Variants in RBFA observed in about 807,000 individuals in gnomAD.
The protein encoded by RBFA is ribosome binding factor A, also known as putative ribosome-binding factor A, mitochondrial.
RBFA carries 16 observed loss-of-function variants against 27.9 expected under a neutral mutation model. That is an observed-to-expected ratio of 0.57 (90% confidence interval 0.39 to 0.87). RBFA has a LOEUF of 0.87. RBFA is among the 40% of genes least tolerant of loss of function. The probability of loss-of-function intolerance (pLI) is 0.00; values close to 1 mark genes in which losing one functional copy is unlikely to be tolerated. For synonymous variants in RBFA, 181 were observed against 181.0 expected (o/e 1.00, Z 0.00); for missense variants, 456 against 432.1 (o/e 1.06, Z -0.49).
At position 80,048,129 on chromosome 18, in the gene RBFA, T is replaced by C. The variant is rs1458321559; in HGVS notation, c.*1974T>C. 6.6e-6 allele frequency: 1 copy of C among 152,208 alleles called. No individual in the cohort carries two copies. Among genetic ancestry groups the C allele is most frequent in the Admixed American group, 6.5e-5 (1 of 15,288 alleles). The allele number at this position is 152,208 out of a possible 1,614,324, so 9.4% of individuals were successfully genotyped here. The stretch of plus-strand genomic sequence containing the variant: ...ATTTCCCTAGCAAGATAACTTCAGG[T>C]TACAAGGCTCTGGTACTTGACCATG... On this transcript the variant is annotated 3_prime_UTR_variant, in exon 7 of 7. Coordinates refer to ENST00000306735, the MANE Select transcript of RBFA (RefSeq NM_024805.3).
rs1338296347 is a variant in RBFA at position 80,047,530 on chromosome 18, A to G, written c.*1375A>G. ...GTATAAGTCATCAAATGGCAGAAGC[A>G]AGATTTTTCTTTTGAGATCTAGGAA... On this transcript the variant is annotated 3_prime_UTR_variant, in exon 7 of 7. Transcript: ENST00000306735. 1 of 152,250 alleles carries G rather than the reference A, an allele frequency of 6.6e-6. No individual in the cohort carries two copies. The highest frequency in any genetic ancestry group is 1.9e-4 in the East Asian group (1 of 5,202). 9.4% of individuals were successfully genotyped at this position (152,250 alleles called of 1,614,324 possible). A position where few individuals can be genotyped will look rare whatever the true frequency, so the allele number is the denominator to read the frequency against.
Position 80,046,144 on chromosome 18 carries a change from A to G in RBFA, c.1021A>G (p.Ser341Gly). 1.2e-6 allele frequency: 2 copies of G among 1,613,872 alleles called. No individual in the cohort carries two copies. The highest frequency in any genetic ancestry group is 1.7e-6 in the Non-Finnish European group (2 of 1,179,878). The change falls in exon 7 of 7, where the codon AGC (serine) becomes GGC (glycine). Residue 341 changes from serine to glycine, a missense_variant. By Grantham distance (56) the Ser-to-Gly change is moderately conservative. Coordinates refer to ENST00000306735, the MANE Select transcript of RBFA (RefSeq NM_024805.3). ...RTEDGHSCGA[S>G]RE ...AGAGGATGGCCACAGCTGCGGAGCA[A>G]GCAGGGAGTAGATGGAGAGGCTCTG...
chr18:80,044,573 A>G (rs2052037890), intron 6 of RBFA, among the ~76,000 whole-genome samples: 1 of 152,178 alleles, frequency 6.6e-6, no homozygotes, highest in African/African-American at 2.4e-5. Context: ...TTGAGTGCCC[A>G]CTGTGTGCCA....
At chr18:80,045,022 G>T (rs924857404) in intron 6 of RBFA, among the ~76,000 whole-genome samples, 1 of 152,220 alleles carries the variant, frequency 6.6e-6, no homozygotes, top group African/African-American at 2.4e-5. Flanking sequence ...GCAGGGCAGG[G>T]AGCTGAGCCC....
intron 3 of RBFA, 35 bp from the exon 4 acceptor site, chr18:80,038,470 G>T: frequency 7.0e-7 from 1 of 1,437,006 alleles, no homozygotes; most frequent in South Asian, 1.2e-5. Context: ...ACCCATGTAA[G>T]CTAAAAAGTG....
In RBFA at chr18:80,034,504, T is replaced by A. The variant is rs961991466; in HGVS notation, c.9T>A (p.Ala3=). MW[A]AAGGLWRSRA... is the part of the protein sequence containing the mutation. Reference sequence around the variant, plus strand: ...GGTCCCGGCGCCGCGCCATGTGGGCTGCGGCGGGCGGGCTGTGGCGCTCCC... The same window carrying A: ...GGTCCCGGCGCCGCGCCATGTGGGCAGCGGCGGGCGGGCTGTGGCGCTCCC... Residue 3 remains alanine, a synonymous_variant, in exon 1 of 7, where the codon GCT becomes GCA. Transcript: ENST00000306735. 1.3e-6 allele frequency: 2 copies of A among 1,569,578 alleles called. No individual in the cohort carries two copies. The highest frequency in any genetic ancestry group is 2.8e-5 in the African/African-American group (2 of 70,738).
In RBFA at chr18:80,049,705, C is replaced by T. The variant is rs1022318475; in HGVS notation, c.*3550C>T. On this transcript the variant is annotated 3_prime_UTR_variant, in exon 7 of 7. Transcript: ENST00000306735. ...CACTTCAGCCTTCTGGTTCGCTGTT[C>T]CTTGGTAATGCAGATGGCCCAGTAA... Among the ~76,000 whole-genome samples the T allele has an allele frequency of 2.0e-5, 3 of 152,224 alleles. No homozygotes were observed. The highest frequency in any genetic ancestry group is 2.0e-4 in the Admixed American group (3 of 15,284).
In RBFA at chr18:80,046,271, A is replaced by C. The variant is rs543806209; in HGVS notation, c.*116A>C. ...AACCATCTGCTCTTCTGCTACTTCA[A>C]CATTTTCTAGCTTTTCCGTGTATCT... is the stretch of plus-strand genomic sequence containing the variant. On this transcript the variant is annotated 3_prime_UTR_variant, in exon 7 of 7. Transcript: ENST00000306735. 44 of 1,200,024 alleles carry C rather than the reference A, an allele frequency of 3.7e-5. No individual in the cohort carries two copies. The highest frequency in any genetic ancestry group is 1.1e-4 in the South Asian group (7 of 62,406). 74.3% of individuals were successfully genotyped at this position (1,200,024 alleles called of 1,614,324 possible). A position where few individuals can be genotyped will look rare whatever the true frequency, so the allele number is the denominator to read the frequency against.
At chr18:80,037,530 G>A in intron 3 of RBFA, 24 bp downstream of exon 3, 3 of 1,586,490 alleles carry the variant, frequency 1.9e-6, no homozygotes, top group East Asian at 2.3e-5. Context: ...CCAAAGAGAA[G>A]AAATGGGTTG....
At position 80,045,909 on chromosome 18, in the gene RBFA, G is replaced by A. The variant is rs773688889; in HGVS notation, c.786G>A (p.Leu262=). ...KRRKDKGLGG[L]VWQGQVAELT... ...GGAAAGATAAAGGGCTCGGGGGCCT[G>A]GTGTGGCAGGGGCAGGTGGCTGAGC... The change falls in exon 7 of 7, where the codon CTG becomes CTA. Residue 262 remains leucine (L), a synonymous_variant. Coordinates refer to ENST00000306735, the MANE Select transcript of RBFA (RefSeq NM_024805.3). 6.2e-7 allele frequency: 1 copy of A among 1,613,580 alleles called. No individual in the cohort carries two copies. The highest frequency in any genetic ancestry group is 8.5e-7 in the Non-Finnish European group (1 of 1,179,712).
intron 5 of RBFA, among the ~76,000 whole-genome samples, chr18:80,042,537 G>A (rs535255527): frequency 6.6e-6 from 1 of 152,278 alleles, no homozygotes; most frequent in East Asian, 1.9e-4. Flanking sequence ...TTGGGAGGCC[G>A]AGGCAGGTGG....
chr18:80,048,604 A>G lies in RBFA; in HGVS notation c.*2449A>G, dbSNP rs2052072572. 6.6e-6 allele frequency among the ~76,000 whole-genome samples: 1 copy of G among 152,212 alleles called. No individual in the cohort carries two copies. The highest frequency in any genetic ancestry group is 1.5e-5 in the Non-Finnish European group (1 of 68,034). On this transcript the variant is annotated 3_prime_UTR_variant, in exon 7 of 7. Transcript: ENST00000306735. The stretch of plus-strand genomic sequence containing the variant: ...GGCAGAGGGAATGGAAGGTAGAGTT[A>G]GGCCCAGAGAGCCCCAGGCTGCTGC...
Position 80,037,393 on chromosome 18 carries a change from G to A in RBFA, c.265G>A (p.Asp89Asn). The A allele has an allele frequency of 1.9e-6, 3 of 1,614,122 alleles. No individual in the cohort carries two copies. The highest frequency in any genetic ancestry group is 2.5e-6 in the Non-Finnish European group (3 of 1,180,026). The change falls in exon 3 of 7, where the codon GAC (aspartate) becomes AAC (asparagine). Residue 89 changes from aspartate (D) to asparagine (N), a missense_variant. Transcript: ENST00000306735. ...RSTSKKTRKE[D>N]HARLRALNGL... ...CACCTCAAAGAAAACCAGGAAGGAA[G>A]ACCATGCGCGCCTGAGGGCCCTGAA...
At chr18:80,038,947 T>G (rs2051999580) in intron 4 of RBFA, among the ~76,000 whole-genome samples, 1 of 152,228 alleles carries the variant, frequency 6.6e-6, no homozygotes, top group Non-Finnish European at 1.5e-5. Context: ...GCTGGTGCCA[T>G]GCTGCCAGCC....
At chr18:80,045,633 C>A in intron 6 of RBFA, 141 bp from the exon 7 acceptor site, 1 of 982,798 alleles carries the variant, frequency 1.0e-6, no homozygotes, top group Non-Finnish European at 1.4e-6. Context: ...CTCCTGTCTC[C>A]AGTTACCCTC....
rs1297343014 is a variant in RBFA at position 80,049,593 on chromosome 18, C to T, written c.*3438C>T. On this transcript the variant is annotated 3_prime_UTR_variant, in exon 7 of 7. Coordinates refer to ENST00000306735, the MANE Select transcript of RBFA (RefSeq NM_024805.3). ...TTCAGTCTGATAAGCTCTCCTGTGT[C>T]ACTGTCCCTTACCTTGTTAGTAAAG... is the stretch of plus-strand genomic sequence containing the variant. Among the ~76,000 whole-genome samples, 3 of 152,240 alleles carry T rather than the reference C, an allele frequency of 2.0e-5. No homozygotes were observed. Among genetic ancestry groups the T allele is most frequent in the Non-Finnish European group, 4.4e-5 (3 of 68,046 alleles).
rs543806209 is a variant in RBFA at position 80,046,271 on chromosome 18, A to T, written c.*116A>T. On this transcript the variant is annotated 3_prime_UTR_variant, in exon 7 of 7. Transcript: ENST00000306735. ...AACCATCTGCTCTTCTGCTACTTCA[A>T]CATTTTCTAGCTTTTCCGTGTATCT... 7.5e-6 allele frequency: 9 copies of T among 1,200,024 alleles called. No individual in the cohort carries two copies. In the Admixed American group the frequency reaches 8.4e-5, roughly 11 times the overall value. 74.3% of individuals were successfully genotyped at this position (1,200,024 alleles called of 1,614,324 possible). A position where few individuals can be genotyped will look rare whatever the true frequency, so the allele number is the denominator to read the frequency against.
rs1568391384 is a variant in RBFA, at chr18:80,047,948, A to T, written c.*1793A>T. ...AGTTTGCCTCTTATTCTTCTAGGGGACCATCATGGGCTGAGGTCAGGCCAA... is the reference window on the plus strand; with the variant it reads ...AGTTTGCCTCTTATTCTTCTAGGGGTCCATCATGGGCTGAGGTCAGGCCAA... On this transcript the variant is annotated 3_prime_UTR_variant, in exon 7 of 7. Coordinates refer to ENST00000306735, the MANE Select transcript of RBFA (RefSeq NM_024805.3). 6.6e-6 allele frequency among the ~76,000 whole-genome samples: 1 copy of T among 152,178 alleles called. No homozygotes were observed. The highest frequency in any genetic ancestry group is 1.9e-4 in the East Asian group (1 of 5,204).
chr18:80,045,755 G>A lies in RBFA; in HGVS notation c.651-19G>A. 6.6e-7 allele frequency: 1 copy of A among 1,510,160 alleles called. No homozygotes were observed. The highest frequency in any genetic ancestry group is 8.8e-7 in the Non-Finnish European group (1 of 1,130,126). The allele number at this position is 1,510,160 out of a possible 1,614,324, so 93.5% of individuals were successfully genotyped here. ...GGGCATGGTTTGTGCTTGGTGTGAA[G>A]CCTCTTCTTCCTTCCCAGGGACCCT... On this transcript the variant is annotated intron_variant, in intron 6 of 6. Transcript: ENST00000306735.
Sources: allele counts gnomAD v4.1 joint callset (sites outside exome capture counted in the v4.1 genomes callset), GRCh38; gene constraint gnomAD v4.1.1; transcripts MANE v1.5; gene names NCBI Gene and HGNC (gene_info 2026-07-23, HGNC 2026-07-21).